Variants in NTM observed in about 807,000 individuals in gnomAD.
The protein encoded by NTM is IgLON family member 2.
In NTM, 13 loss-of-function variants were observed where a neutral mutation model predicts 42.1. The ratio of observed to expected loss-of-function variants is 0.31; its 90% confidence interval spans 0.20 to 0.49. The LOEUF is 0.49. Among genes scored for constraint, NTM ranks in the 20% least tolerant of loss-of-function variants. The pLI is 0.99. For synonymous variants in NTM, 187 were observed against 179.2 expected (o/e 1.04, Z -0.35); for missense variants, 373 against 452.8 (o/e 0.82, Z 1.60).
chr11:131,693,420 G>C (rs764336869), intron 1 of NTM, among the ~76,000 whole-genome samples: 2 of 152,144 alleles, frequency 1.3e-5, no homozygotes, highest in African/African-American at 2.4e-5. Flanking sequence ...GCCAGGATAA[G>C]TCTTGCAAAA....
At chr11:132,097,102 A>G (rs1301650444) in intron 2 of NTM, among the ~76,000 whole-genome samples, 1 of 152,178 alleles carries the variant, frequency 6.6e-6, no homozygotes, top group Non-Finnish European at 1.5e-5. Context: ...GATCTGTAAG[A>G]CCAATGTTCC....
intron 1 of NTM, among the ~76,000 whole-genome samples, chr11:131,696,571 T>C (rs556590126): frequency 6.6e-6 from 1 of 152,328 alleles, no homozygotes; most frequent in Non-Finnish European, 1.5e-5. Context: ...ACCCTGTAGC[T>C]AAGTGACCCT....
At chr11:131,510,376 G>A (rs1565582114) in intron 1 of NTM, among the ~76,000 whole-genome samples, 1 of 152,182 alleles carries the variant, frequency 6.6e-6, no homozygotes, top group South Asian at 2.1e-4. Flanking sequence ...GCCCAGTAAA[G>A]TACCTCTGTC....
chr11:131,390,036 A>G (rs759342994), intron 1 of NTM, among the ~76,000 whole-genome samples: 3 of 152,154 alleles, frequency 2.0e-5, no homozygotes, highest in Non-Finnish European at 4.4e-5. Context: ...CTATGAAGGA[A>G]TACCTGAGAC....
Position 132,277,807 on chromosome 11 carries a change from A to C in NTM, c.527-29882A>C, listed in dbSNP as rs2093788062. Among the ~76,000 whole-genome samples, 2 of 151,524 alleles carry C rather than the reference A, an allele frequency of 1.3e-5. 1 individual carries two copies. Among genetic ancestry groups the C allele is most frequent in the Non-Finnish European group, 2.9e-5 (2 of 67,872 alleles). On this transcript the variant is annotated intron_variant, in intron 4 of 8. Coordinates refer to ENST00000683400, the MANE Select transcript of NTM (RefSeq NM_001352005.2). ...TTGGTAATTGTAAAAGCTTGGTGCT[A>C]TTTCTATCATGCTAAAATATATATA... is the stretch of plus-strand genomic sequence containing the variant.
At chr11:131,537,415 G>A (rs1458074780) in intron 1 of NTM, 1 of 152,178 alleles carries the variant, frequency 6.6e-6, no homozygotes, top group East Asian at 1.9e-4. Context: ...ATAGACAGCT[G>A]CGCAGGGTAT....
intron 1 of NTM, among the ~76,000 whole-genome samples, chr11:131,556,527 G>A (rs1036148125): frequency 6.7e-6 from 1 of 150,000 alleles, no homozygotes; most frequent in Admixed American, 6.6e-5. Context: ...ATTCTGCTCT[G>A]TAAAAAGACC....
chr11:131,935,999 A>C (rs1478551519), intron 2 of NTM, among the ~76,000 whole-genome samples: 1 of 152,208 alleles, frequency 6.6e-6, no homozygotes, highest in Non-Finnish European at 1.5e-5. Flanking sequence ...AAAGAGGGGA[A>C]TCATGGAAAT....
intron 1 of NTM, among the ~76,000 whole-genome samples, chr11:131,451,012 C>T (rs1950443555): frequency 6.6e-6 from 1 of 152,012 alleles, no homozygotes; most frequent in South Asian, 2.1e-4. Context: ...GCCCATTTCA[C>T]ACAGTCTATA....
rs138569670 is a variant in NTM, at chr11:131,631,706, A to G, written c.82+260818A>G. ...AATGTTAATGCATTAAAATTTTACA[A>G]TCAAAGGAGTCTGTTGCCTCCTTTT... On this transcript the variant is annotated intron_variant, in intron 1 of 8. Transcript: ENST00000683400. 2.6e-5 allele frequency among the ~76,000 whole-genome samples: 4 copies of G among 152,344 alleles called. No individual in the cohort carries two copies. In the East Asian group the frequency reaches 5.8e-4, roughly 22 times the overall value.
At chr11:131,929,599 C>A (rs979902864) in intron 2 of NTM, among the ~76,000 whole-genome samples, 2 of 152,084 alleles carry the variant, frequency 1.3e-5, no homozygotes, top group Non-Finnish European at 2.9e-5. Context: ...TCTGCACTCC[C>A]ACAATTCCCT....
At chr11:132,329,841 T>A (rs1356465292) in intron 7 of NTM, among the ~76,000 whole-genome samples, 1 of 152,246 alleles carries the variant, frequency 6.6e-6, no homozygotes, top group African/African-American at 2.4e-5. Context: ...GGTGCAGCTG[T>A]GTCACCTGCT....
intron 1 of NTM, among the ~76,000 whole-genome samples, chr11:131,796,652 G>C (rs1278917961): frequency 1.3e-5 from 2 of 152,214 alleles, no homozygotes; most frequent in East Asian, 1.9e-4. Context: ...AGCATAGAGA[G>C]GGTGCATCTG....
At chr11:132,072,177 G>T (rs2057767374) in intron 2 of NTM, among the ~76,000 whole-genome samples, 1 of 152,182 alleles carries the variant, frequency 6.6e-6, no homozygotes, top group Non-Finnish European at 1.5e-5. Flanking sequence ...TTAAAAAGGG[G>T]TTAATGAACA....
At chr11:132,096,209 C>A (rs572836646) in intron 2 of NTM, among the ~76,000 whole-genome samples, 2 of 152,270 alleles carry the variant, frequency 1.3e-5, no homozygotes, top group East Asian at 3.9e-4. Context: ...TTCTGACCAG[C>A]GACCTTTGAT....
Position 132,212,070 on chromosome 11 carries a change from G to C in NTM, c.449G>C (p.Gly150Ala), listed in dbSNP as rs754941739. The C allele has an allele frequency of 6.2e-7, 1 of 1,613,132 alleles. No homozygotes were observed. The highest frequency in any genetic ancestry group is 8.5e-7 in the Non-Finnish European group (1 of 1,179,410). ...TCTTCAGATATCTCCATTAATGAAG[G>C]GAACAATATTAGCCTCACCTGCATA... Reference protein sequence around the residue: ...EISSDISINEGNNISLTCIAT... With the variant: ...EISSDISINEANNISLTCIAT... The change falls in exon 4 of 9, where the codon GGG (glycine) becomes GCG (alanine). Residue 150 changes from glycine to alanine, a missense_variant. By Grantham distance (60) the Gly-to-Ala change is moderately conservative. This residue lies in a region of NTM where 312 missense variants were observed against 353.5 expected (regional missense o/e 0.88). Coordinates refer to ENST00000683400, the MANE Select transcript of NTM (RefSeq NM_001352005.2).
chr11:131,565,307 T>C (rs1043000900), intron 1 of NTM, among the ~76,000 whole-genome samples: 1 of 152,194 alleles, frequency 6.6e-6, no homozygotes, highest in Non-Finnish European at 1.5e-5. Flanking sequence ...TCCATGCTTG[T>C]CTCTCTGCCT....
intron 2 of NTM, among the ~76,000 whole-genome samples, chr11:132,013,567 G>C (rs2072716879): frequency 6.6e-6 from 1 of 152,146 alleles, no homozygotes. Context: ...GTCTTGAACA[G>C]GGACAGCACC....
intron 4 of NTM, among the ~76,000 whole-genome samples, chr11:132,296,227 T>A (rs959403314): frequency 3.3e-5 from 5 of 152,116 alleles, no homozygotes; most frequent in African/African-American, 1.2e-4. Context: ...CAGCAGGTCC[T>A]CCAGGACGGC....
Sources: gnomAD v4.1 joint callset for allele counts (sites outside exome capture counted in the v4.1 genomes callset) on GRCh38, gnomAD v4.1.1 for gene constraint, gnomAD v4.1.1 regional missense constraint, MANE v1.5 for transcripts, NCBI Gene and HGNC (gene_info 2026-07-23, HGNC 2026-07-21) for gene names.